The following ST6GALNAC5 variants were observed in gnomAD, a reference collection of about 807,000 sequenced individuals.
ST6GALNAC5 encodes the protein alpha-N-acetylgalactosaminide alpha-2,6-sialyltransferase 5.
ST6GALNAC5 carries 27 observed loss-of-function variants against 33.6 expected under a neutral mutation model. The observed-to-expected ratio is 0.80, with a 90% CI of 0.59 to 1.11. The LOEUF (loss-of-function observed/expected upper bound fraction) is 1.11, where lower values mean the gene tolerates loss of function less well. ST6GALNAC5 is among the 50% of genes least tolerant of loss of function. ST6GALNAC5 has a pLI of 0.00. For synonymous variants in ST6GALNAC5, 194 were observed against 171.2 expected (o/e 1.13, Z -1.04); for missense variants, 428 against 454.0 (o/e 0.94, Z 0.52).
At chr1:76,988,604 T>C (rs1361984546) in intron 2 of ST6GALNAC5, among the ~76,000 whole-genome samples, 4 of 152,170 alleles carry the variant, frequency 2.6e-5, no homozygotes, top group Admixed American at 2.6e-4. Context: ...GATATAACTG[T>C]GTTTCTGATT....
At chr1:77,055,333 A>C (rs1652355610) in intron 4 of ST6GALNAC5, among the ~76,000 whole-genome samples, 1 of 152,196 alleles carries the variant, frequency 6.6e-6, no homozygotes, top group African/African-American at 2.4e-5. Context: ...CTCAGTTTGG[A>C]CTGCCCATCC....
At chr1:76,907,182 A>G (rs1023682806) in intron 2 of ST6GALNAC5, among the ~76,000 whole-genome samples, 1 of 151,766 alleles carries the variant, frequency 6.6e-6, no homozygotes, top group Non-Finnish European at 1.5e-5. Flanking sequence ...GGGATCCAAG[A>G]CTCAACTCTC....
intron 2 of ST6GALNAC5, among the ~76,000 whole-genome samples, chr1:76,969,962 A>G (rs1236503064): frequency 6.6e-6 from 1 of 152,130 alleles, no homozygotes; most frequent in Non-Finnish European, 1.5e-5. Context: ...TGACTGTTAG[A>G]AGGAAAATGA....
intron 2 of ST6GALNAC5, among the ~76,000 whole-genome samples, chr1:76,966,654 G>T (rs1308095538): frequency 2.6e-5 from 4 of 152,206 alleles, no homozygotes; most frequent in African/African-American, 9.7e-5. Context: ...AGTGGTGAGA[G>T]AGGGCATCCC....
At chr1:76,975,034 G>T (rs1302877040) in intron 2 of ST6GALNAC5, among the ~76,000 whole-genome samples, 1 of 151,924 alleles carries the variant, frequency 6.6e-6, no homozygotes, top group African/African-American at 2.4e-5. Flanking sequence ...TGATCTGCCT[G>T]CCTCAGCCTC....
chr1:76,896,669 G>A (rs989227672), intron 2 of ST6GALNAC5, among the ~76,000 whole-genome samples: 3 of 152,124 alleles, frequency 2.0e-5, no homozygotes, highest in Non-Finnish European at 4.4e-5. Flanking sequence ...ATTGAAGTCC[G>A]GGCCAGGAAC....
chr1:76,868,780 TG>T lies in ST6GALNAC5; in HGVS notation c.261+42del. Reference sequence around the variant, plus strand: ...CCGCCAGCCCGCTCGCCACTCAGCCTGGGGATCCCGCACACCTGAGCCTTCC... The same window carrying T: ...CCGCCAGCCCGCTCGCCACTCAGCCTGGGATCCCGCACACCTGAGCCTTCC... On this transcript the variant is annotated intron_variant, in intron 2 of 4. Transcript: ENST00000477717. The surrounding 1 kb of genome is among the most constrained non-coding windows in gnomAD (Gnocchi z 4.3). 2 of 1,460,774 alleles carry T rather than the reference TG, an allele frequency of 1.4e-6. No homozygotes were observed. Among genetic ancestry groups the T allele is most frequent in the African/African-American group, 2.9e-5 (2 of 69,948 alleles). The allele number at this position is 1,460,774 out of a possible 1,614,324, so 90.5% of individuals were successfully genotyped here.
intron 2 of ST6GALNAC5, among the ~76,000 whole-genome samples, chr1:76,908,212 A>C (rs1646881931): frequency 6.6e-6 from 1 of 152,086 alleles, no homozygotes; most frequent in African/African-American, 2.4e-5. Context: ...GCTTATAAAC[A>C]ATAGAAATGT....
At chr1:77,047,421 A>T (rs999854400) in intron 3 of ST6GALNAC5, among the ~76,000 whole-genome samples, 1 of 152,208 alleles carries the variant, frequency 6.6e-6, no homozygotes, top group Non-Finnish European at 1.5e-5. Context: ...ATGATACATA[A>T]AGTACAGAAT....
chr1:76,889,871 T>A (rs944381855), intron 2 of ST6GALNAC5, among the ~76,000 whole-genome samples: 1 of 152,180 alleles, frequency 6.6e-6, no homozygotes, highest in African/African-American at 2.4e-5. Context: ...CTGGTCTTTG[T>A]CATAGTATCT....
At position 76,984,358 on chromosome 1, in the gene ST6GALNAC5, A is replaced by G. The variant is rs188336806; in HGVS notation, c.262-59846A>G. On this transcript the variant is annotated intron_variant, in intron 2 of 4. Transcript: ENST00000477717. ...ATCACCATCGATCCCACAGAAATAC[A>G]AACTACCATCAGAGAATACTATAAA... 2.2e-3 allele frequency among the ~76,000 whole-genome samples: 333 copies of G among 152,328 alleles called. 7 individuals carry two copies. Among genetic ancestry groups the G allele is most frequent in the African/African-American group, 7.6e-3 (317 of 41,578 alleles).
intron 2 of ST6GALNAC5, among the ~76,000 whole-genome samples, chr1:76,999,659 G>A: frequency 7.7e-6 from 1 of 129,116 alleles, no homozygotes. Context: ...CCCCACCACA[G>A]TCCCCAGAGT....
intron 3 of ST6GALNAC5, among the ~76,000 whole-genome samples, chr1:77,049,628 A>G (rs961350842): frequency 7.2e-5 from 11 of 152,204 alleles, no homozygotes; most frequent in African/African-American, 2.4e-4. Flanking sequence ...TCTGATATGT[A>G]AAATGAAGCA....
intron 2 of ST6GALNAC5, among the ~76,000 whole-genome samples, chr1:76,979,587 C>T (rs1479571767): frequency 6.6e-6 from 1 of 152,144 alleles, no homozygotes; most frequent in Non-Finnish European, 1.5e-5. Context: ...AAGAATGAAA[C>T]TAGACTCCTA....
chr1:76,969,150 T>A (rs1248826603), intron 2 of ST6GALNAC5, among the ~76,000 whole-genome samples: 1 of 152,172 alleles, frequency 6.6e-6, no homozygotes, highest in Admixed American at 6.5e-5. Flanking sequence ...GGTTCCTGGT[T>A]CATCACACTG....
At chr1:76,932,389 G>T (rs975043513) in intron 2 of ST6GALNAC5, among the ~76,000 whole-genome samples, 1 of 152,138 alleles carries the variant, frequency 6.6e-6, no homozygotes, top group Non-Finnish European at 1.5e-5. Flanking sequence ...TGCGTCACAG[G>T]TGTGGGGGAT....
chr1:76,976,828 A>AT lies in ST6GALNAC5; in HGVS notation c.262-67367dup, dbSNP rs141780288. Among the ~76,000 whole-genome samples the AT allele has an allele frequency of 2.4e-3, 361 of 150,976 alleles. 1 individual carries two copies. The highest frequency in any genetic ancestry group is 8.2e-3 in the African/African-American group (338 of 41,166). Reference sequence around the variant, plus strand: ...GATTAATGAAACTAACAGTTTTGGGATTTTTTTTTAAGAACCAACATTAGC... The same window carrying AT: ...GATTAATGAAACTAACAGTTTTGGGATTTTTTTTTTAAGAACCAACATTAGC... On this transcript the variant is annotated intron_variant, in intron 2 of 4. Transcript: ENST00000477717.
chr1:76,913,794 GC>G (rs1475661674), intron 2 of ST6GALNAC5, among the ~76,000 whole-genome samples: 17 of 152,232 alleles, frequency 1.1e-4, no homozygotes, highest in Non-Finnish European at 2.5e-4. Context: ...AGACAGGGAT[GC>G]CCTCTCTCAC....
At chr1:76,884,739 T>C (rs1653855312) in intron 2 of ST6GALNAC5, among the ~76,000 whole-genome samples, 1 of 152,166 alleles carries the variant, frequency 6.6e-6, no homozygotes, top group Non-Finnish European at 1.5e-5. Context: ...GTCATGGGCT[T>C]TTCAATGCCT....
Sources: allele counts gnomAD v4.1 joint callset (sites outside exome capture counted in the v4.1 genomes callset), GRCh38; gene constraint gnomAD v4.1.1; non-coding constraint Gnocchi (gnomAD v3.1); transcripts MANE v1.5; gene names NCBI Gene and HGNC (gene_info 2026-07-23, HGNC 2026-07-21).